The following PRDM16 variants were observed in gnomAD, a reference collection of about 807,000 sequenced individuals.
PRDM16 encodes the protein histone-lysine N-methyltransferase PRDM16.
A neutral mutation model predicts 110.6 loss-of-function variants in PRDM16; 23 were observed. The ratio of observed to expected loss-of-function variants is 0.21; its 90% CI spans 0.15 to 0.29. The LOEUF is 0.29. Among genes scored for constraint, PRDM16 ranks in the 10% least tolerant of loss-of-function variants. The probability of loss-of-function intolerance (pLI) is 1.00; values close to 1 mark genes in which losing one functional copy is unlikely to be tolerated. For synonymous variants in PRDM16, 799 were observed against 781.8 expected, an observed-to-expected ratio of 1.02 and a Z score of -0.37; for missense variants, 1,615 against 1,794.3, an observed-to-expected ratio of 0.90 and a Z score of 1.81.
chr1:3,210,492 G>A (rs918728067), intron 2 of PRDM16, among the ~76,000 whole-genome samples: 6 of 152,224 alleles, frequency 3.9e-5, no homozygotes, highest in Non-Finnish European at 5.9e-5. Flanking sequence ...GTGCGTGCAC[G>A]CGTGTGTCTG....
At chr1:3,113,953 A>C (rs1305935399) in intron 1 of PRDM16, among the ~76,000 whole-genome samples, 1 of 151,958 alleles carries the variant, frequency 6.6e-6, no homozygotes, top group Non-Finnish European at 1.5e-5. Context: ...TTTCTCTCCC[A>C]CTCGGGATGT....
At chr1:3,352,640 C>T (rs775332620) in intron 3 of PRDM16, among the ~76,000 whole-genome samples, 13 of 152,270 alleles carry the variant, frequency 8.5e-5, no homozygotes, top group Non-Finnish European at 1.5e-4. Flanking sequence ...TTCCCGAATA[C>T]TTGCGCTGGA....
At chr1:3,138,828 C>T (rs993214485) in intron 1 of PRDM16, among the ~76,000 whole-genome samples, 4 of 152,192 alleles carry the variant, frequency 2.6e-5, no homozygotes, top group African/African-American at 4.8e-5. Context: ...TGCATGAGGG[C>T]ACACAGCCGG....
chr1:3,250,340 C>T (rs963921789), intron 3 of PRDM16, among the ~76,000 whole-genome samples: 4 of 152,266 alleles, frequency 2.6e-5, no homozygotes, highest in East Asian at 1.9e-4. Flanking sequence ...TGGGGTAGGG[C>T]GGTCCCGCAG....
At position 3,385,353 on chromosome 1, in the gene PRDM16, T is replaced by C. The variant is rs1455087252; in HGVS notation, c.573+67T>C. On this transcript the variant is annotated intron_variant, in intron 4 of 16. Transcript: ENST00000270722. Reference sequence around the variant, plus strand: ...TGTCCCTGAGGATGTGGCACCAAGATTGGTGGAGGTGCCGAGGCAAGGGTT... The same window carrying C: ...TGTCCCTGAGGATGTGGCACCAAGACTGGTGGAGGTGCCGAGGCAAGGGTT... The C allele has an allele frequency of 2.6e-6, 4 of 1,557,094 alleles. No individual in the cohort carries two copies. In the Admixed American group the frequency reaches 5.0e-5, roughly 20 times the overall value.
chr1:3,256,021 T>G (rs1388696078), intron 3 of PRDM16, among the ~76,000 whole-genome samples: 1 of 152,108 alleles, frequency 6.6e-6, no homozygotes, highest in Non-Finnish European at 1.5e-5. Context: ...TGTGGCACAG[T>G]GACAGCGCCT....
chr1:3,404,650 G>T (rs892994166), intron 6 of PRDM16, 89 bp from the exon 7 acceptor site: 1 of 1,520,358 alleles, frequency 6.6e-7, no homozygotes, highest in Non-Finnish European at 8.9e-7. Flanking sequence ...GCTCCGAAGG[G>T]GCACTGGGAA....
At chr1:3,188,941 G>T (rs7529508) in intron 2 of PRDM16, among the ~76,000 whole-genome samples, 3 of 152,164 alleles carry the variant, frequency 2.0e-5, no homozygotes, top group Admixed American at 2.0e-4. Flanking sequence ...GGGGCCTTTG[G>T]GCAGGAAAAC....
intron 1 of PRDM16, among the ~76,000 whole-genome samples, chr1:3,161,157 C>A (rs1287084233): frequency 6.6e-6 from 1 of 152,090 alleles, no homozygotes. Flanking sequence ...GTGAGGGAGG[C>A]GAGCAGGAAG....
rs968627606 is a variant in PRDM16 at position 3,243,202 on chromosome 1, G to A, written c.388-885G>A. 2.6e-5 allele frequency among the ~76,000 whole-genome samples: 4 copies of A among 152,234 alleles called. No homozygotes were observed. The highest frequency in any genetic ancestry group is 2.0e-4 in the Admixed American group (3 of 15,284). On this transcript the variant is annotated intron_variant, in intron 2 of 16. Coordinates refer to ENST00000270722, the MANE Select transcript of PRDM16 (RefSeq NM_022114.4). This position sits in a 1 kb window ranked among gnomAD's most constrained non-coding sequence, Gnocchi z 5.5. ...GCTCCTGTGTGGCCCACAGCCCGCTGCTGGGGGTCCTCAGTGGCCACCCCG... is the reference window on the plus strand; with the variant it reads ...GCTCCTGTGTGGCCCACAGCCCGCTACTGGGGGTCCTCAGTGGCCACCCCG...
In PRDM16 at chr1:3,411,501, C is replaced by T. The variant is rs1189754262; in HGVS notation, c.1304C>T (p.Thr435Ile). 6.2e-7 allele frequency: 1 copy of T among 1,614,220 alleles called. No homozygotes were observed. Among genetic ancestry groups the T allele is most frequent in the South Asian group, 1.1e-5 (1 of 91,088 alleles). The change falls in exon 9 of 17, where the codon ACC becomes ATC. Residue 435 changes from threonine to isoleucine, a missense_variant. This residue lies in a region of PRDM16 where 772 missense variants were observed against 748.3 expected (regional missense o/e 1.03). Transcript: ENST00000270722. The part of the protein sequence containing the change: ...CKDCGQMFST[T>I]SSLNKHRRFC... ...GACTGTGGCCAGATGTTCAGCACTA[C>T]CTCCTCCCTCAACAAGCACCGGCGC...
chr1:3,269,888 G>A (rs1213579491), intron 3 of PRDM16, among the ~76,000 whole-genome samples: 1 of 143,264 alleles, frequency 7.0e-6, no homozygotes, highest in Non-Finnish European at 1.5e-5. Flanking sequence ...AAGTCCCAGA[G>A]GAGGAAAGTC....
intron 1 of PRDM16, among the ~76,000 whole-genome samples, chr1:3,122,435 C>T (rs1042024881): frequency 2.3e-4 from 35 of 152,220 alleles, no homozygotes; most frequent in African/African-American, 8.4e-4. Flanking sequence ...CTGTCACAAA[C>T]CTGAAGCAAT....
intron 1 of PRDM16, among the ~76,000 whole-genome samples, chr1:3,185,506 G>C (rs1188832038): frequency 6.6e-6 from 1 of 152,058 alleles, no homozygotes; most frequent in African/African-American, 2.4e-5. Flanking sequence ...CCAGGCTGCG[G>C]CCCAAGTGCA....
chr1:3,079,338 CCT>C (rs1641968742), intron 1 of PRDM16, among the ~76,000 whole-genome samples: 1 of 152,170 alleles, frequency 6.6e-6, no homozygotes, highest in African/African-American at 2.4e-5. Flanking sequence ...TGGCCCAGCC[CCT>C]GTGTGTGCAC....
At chr1:3,268,450 C>T (rs904029697) in intron 3 of PRDM16, among the ~76,000 whole-genome samples, 13 of 152,172 alleles carry the variant, frequency 8.5e-5, no homozygotes, top group Non-Finnish European at 1.6e-4. Flanking sequence ...TGTTGGAGGA[C>T]GGGATGGCCA....
intron 15 of PRDM16, among the ~76,000 whole-genome samples, chr1:3,431,388 C>T (rs746068536): frequency 8.5e-5 from 13 of 152,108 alleles, no homozygotes; most frequent in Non-Finnish European, 1.3e-4. Context: ...ACATGGAGGC[C>T]CCCGGCCCTG....
chr1:3,158,995 C>T (rs915040104), intron 1 of PRDM16, among the ~76,000 whole-genome samples: 2 of 152,240 alleles, frequency 1.3e-5, no homozygotes, highest in Admixed American at 1.3e-4. Flanking sequence ...TGGTCTCGAA[C>T]TCCTGACCTC....
intron 2 of PRDM16, among the ~76,000 whole-genome samples, chr1:3,187,165 G>A (rs1295238381): frequency 6.6e-6 from 1 of 152,222 alleles, no homozygotes; most frequent in Non-Finnish European, 1.5e-5. Context: ...AGGGACGCTA[G>A]GCCCCGGTGT....
Sources: allele counts gnomAD v4.1 joint callset (sites outside exome capture counted in the v4.1 genomes callset), GRCh38; gene constraint gnomAD v4.1.1; regional missense constraint gnomAD v4.1.1; non-coding constraint Gnocchi (gnomAD v3.1); transcripts MANE v1.5; gene names NCBI Gene and HGNC (gene_info 2026-07-23, HGNC 2026-07-21).